The following HAS3 variants were observed in gnomAD, a reference collection of about 807,000 sequenced individuals.
The protein encoded by HAS3 is HA synthase 3.
In HAS3, 27 loss-of-function variants were observed where a neutral mutation model predicts 50.3. The observed-to-expected ratio is 0.54, with a 90% CI of 0.40 to 0.74. The LOEUF is 0.74. Ranked by LOEUF, HAS3 falls within the 30% of genes least tolerant of loss-of-function variation. HAS3 has a pLI of 0.00. For synonymous variants in HAS3, 339 were observed against 310.9 expected, an observed-to-expected ratio of 1.09 and a Z score of -0.95; for missense variants, 517 against 742.8, an observed-to-expected ratio of 0.70 and a Z score of 3.53.
the HAS3 span, among the ~76,000 whole-genome samples, chr16:69,095,439 A>C: frequency 6.6e-6 from 1 of 151,716 alleles, no homozygotes; most frequent in South Asian, 2.1e-4. Context: ...CCAGAAATGC[A>C]CTTGTAAGTC....
At chr16:69,095,242 C>T in the HAS3 span, among the ~76,000 whole-genome samples, 5 of 152,308 alleles carry the variant, frequency 3.3e-5, no homozygotes, top group Non-Finnish European at 5.9e-5. Context: ...GCCTCAATCC[C>T]TCAAAGTGCT....
At chr16:69,108,053 C>T (rs1247868544) in intron 1 of HAS3, among the ~76,000 whole-genome samples, 1 of 152,204 alleles carries the variant, frequency 6.6e-6, no homozygotes, top group Non-Finnish European at 1.5e-5. Flanking sequence ...AGAGTTGGAG[C>T]AAGCTTGGAA....
chr16:69,095,097 T>A, the HAS3 span, among the ~76,000 whole-genome samples: 2 of 151,318 alleles, frequency 1.3e-5, no homozygotes, highest in African/African-American at 2.4e-5. Flanking sequence ...TTCTTGTGCC[T>A]CAGCCTCCCA....
chr16:69,096,641 G>A, the HAS3 span, among the ~76,000 whole-genome samples: 7 of 125,172 alleles, frequency 5.6e-5, no homozygotes, highest in Non-Finnish European at 9.7e-5. Flanking sequence ...TTTTGGAGAC[G>A]GAGTGTCGCT....
chr16:69,114,675 G>A lies in HAS3; in HGVS notation c.1071G>A (p.Trp357Ter). The A allele has an allele frequency of 6.2e-7, 1 of 1,614,080 alleles. No homozygotes were observed. The highest frequency in any genetic ancestry group is 8.5e-7 in the Non-Finnish European group (1 of 1,180,010). ...YLRWLNQQTR[W>*]SKSYFREWLY... The stretch of plus-strand genomic sequence containing the variant: ...GGTGGCTCAACCAGCAAACCCGCTG[G>A]AGCAAGTCTTACTTCCGGGAGTGGC... The change falls in exon 4 of 4, where the codon TGG becomes TGA. Residue 357 changes from tryptophan to a stop codon, truncating the protein, a stop_gained. Coordinates refer to ENST00000569188, the MANE Select transcript of HAS3 (RefSeq NM_001199280.2). LOFTEE classifies it high-confidence loss of function. This position sits in a 1 kb window ranked among gnomAD's most constrained non-coding sequence, Gnocchi z 6.4.
upstream of HAS3, among the ~76,000 whole-genome samples, chr16:69,104,992 GTTTTTTTTTTTTTTTT>G (rs565397720): frequency 2.2e-4 from 18 of 81,980 alleles, no homozygotes; most frequent in East Asian, 2.5e-3. Flanking sequence ...CTGTTTTTTG[GTTTTTTTTTTTTTTTT>G]TTTTTTTTTT....
At chr16:69,086,378 G>A in the HAS3 span, among the ~76,000 whole-genome samples, 2 of 151,992 alleles carry the variant, frequency 1.3e-5, no homozygotes, top group African/African-American at 2.4e-5. Context: ...TGCCCAGGCT[G>A]GTCTTGAACT....
In HAS3 at chr16:69,107,539, C is replaced by T. The variant is rs1388553873; in HGVS notation, c.-1+1752C>T. On this transcript the variant is annotated intron_variant, in intron 1 of 3. Transcript: ENST00000569188. This position sits in a 1 kb window ranked among gnomAD's most constrained non-coding sequence, Gnocchi z 5.5. ...GCTCGAGCGGGGATGAGAAGCGTGGCGAGTGCGTTCGCGGCTGCTTTGACC... is the reference window on the plus strand; with the variant it reads ...GCTCGAGCGGGGATGAGAAGCGTGGTGAGTGCGTTCGCGGCTGCTTTGACC... 30 of 985,514 alleles carry T rather than the reference C, an allele frequency of 3.0e-5. No individual in the cohort carries two copies. Among genetic ancestry groups the T allele is most frequent in the Non-Finnish European group, 3.1e-5 (26 of 830,020 alleles). 61.0% of individuals were successfully genotyped at this position (985,514 alleles called of 1,614,324 possible).
chr16:69,098,370 CAAA>C, the HAS3 span, among the ~76,000 whole-genome samples: 2 of 133,686 alleles, frequency 1.5e-5, no homozygotes, highest in African/African-American at 2.8e-5. Context: ...GACTCCGTGT[CAAA>C]AAAAAAAAAG....
chr16:69,088,974 C>T, the HAS3 span, among the ~76,000 whole-genome samples: 1 of 152,028 alleles, frequency 6.6e-6, no homozygotes, highest in East Asian at 1.9e-4. Context: ...CCAGTTTTTT[C>T]CCCTCCATAA....
chr16:69,117,118 C>G lies in HAS3; in HGVS notation c.*1852C>G, dbSNP rs1961217665. The stretch of plus-strand genomic sequence containing the variant: ...AAGGCTGGAAGGCAGCAGGCATTTG[C>G]TAAGGCAGCTGATCCAGGCAATCGT... On this transcript the variant is annotated 3_prime_UTR_variant, in exon 4 of 4. Coordinates refer to ENST00000569188, the MANE Select transcript of HAS3 (RefSeq NM_001199280.2). 1 of 985,688 alleles carries G rather than the reference C, an allele frequency of 1.0e-6. No individual in the cohort carries two copies. The highest frequency in any genetic ancestry group is 4.7e-5 in the South Asian group (1 of 21,296). 61.1% of individuals were successfully genotyped at this position (985,688 alleles called of 1,614,324 possible).
In HAS3 at chr16:69,107,989, G is replaced by C. The variant is rs549074217; in HGVS notation, c.1-1407G>C. ...TGTTCTTCGTCCCTTCTACGTGAGA[G>C]GCGTCCCGACAGGAAAGTGTGTTTG... On this transcript the variant is annotated intron_variant, in intron 1 of 3. Coordinates refer to ENST00000569188, the MANE Select transcript of HAS3 (RefSeq NM_001199280.2). This position sits in a 1 kb window ranked among gnomAD's most constrained non-coding sequence, Gnocchi z 5.5. Among the ~76,000 whole-genome samples, 2 of 152,360 alleles carry C rather than the reference G, an allele frequency of 1.3e-5. No individual in the cohort carries two copies. Among genetic ancestry groups the C allele is most frequent in the South Asian group, 4.1e-4 (2 of 4,832 alleles).
At chr16:69,105,100 G>A (rs1331244756), upstream of HAS3, among the ~76,000 whole-genome samples, 1 of 142,230 alleles carries the variant, frequency 7.0e-6, no homozygotes, top group Admixed American at 7.5e-5. Flanking sequence ...CTCCACCTGC[G>A]GGGTTCAAGC....
chr16:69,110,575 G>A (rs901169493), intron 2 of HAS3, among the ~76,000 whole-genome samples: 1 of 152,070 alleles, frequency 6.6e-6, no homozygotes, highest in African/African-American at 2.4e-5. Flanking sequence ...ATACACCACC[G>A]CACCCAGCTC....
chr16:69,087,785 A>C, the HAS3 span, among the ~76,000 whole-genome samples: 1 of 144,806 alleles, frequency 6.9e-6, no homozygotes, highest in Non-Finnish European at 1.5e-5. Context: ...TCACTGCAGC[A>C]TCCGCCTCCC....
chr16:69,093,884 C>A, the HAS3 span, among the ~76,000 whole-genome samples: 1 of 152,136 alleles, frequency 6.6e-6, no homozygotes, highest in Non-Finnish European at 1.5e-5. Context: ...AGCATAAATA[C>A]ATTAATAGCT....
the HAS3 span, among the ~76,000 whole-genome samples, chr16:69,090,519 C>T: frequency 6.6e-6 from 1 of 152,112 alleles, no homozygotes; most frequent in Non-Finnish European, 1.5e-5. Context: ...GGTGATCCTC[C>T]CACCTCAGCC....
rs1420696140 is a variant in HAS3, at chr16:69,107,233, G to A, written c.-1+1446G>A. On this transcript the variant is annotated intron_variant, in intron 1 of 3. Coordinates refer to ENST00000569188, the MANE Select transcript of HAS3 (RefSeq NM_001199280.2). The surrounding 1 kb of genome is among the most constrained non-coding windows in gnomAD (Gnocchi z 5.5). ...GCGCCTGATTGCACGTGGGGTATCT[G>A]GCTGAGGGACATTTTGGGGGCCTCT... is the stretch of plus-strand genomic sequence containing the variant. 1.5e-5 allele frequency: 10 copies of A among 651,394 alleles called. No homozygotes were observed. Among genetic ancestry groups the A allele is most frequent in the Non-Finnish European group, 1.7e-5 (9 of 524,528 alleles). The allele number at this position is 651,394 out of a possible 1,614,324, so 40.4% of individuals were successfully genotyped here. A position where few individuals can be genotyped will look rare whatever the true frequency, so the allele number is the denominator to read the frequency against.
Position 69,115,305 on chromosome 16 carries a change from A to C in HAS3, c.*39A>C. ...CAGAGCGGGTAAAGTGCAATGGGTA[A>C]GGGAGGGAAGGGGAATGGAAGAGAA... On this transcript the variant is annotated 3_prime_UTR_variant, in exon 4 of 4. Transcript: ENST00000569188. The C allele has an allele frequency of 6.9e-7, 1 of 1,444,412 alleles. No individual in the cohort carries two copies. Among genetic ancestry groups the C allele is most frequent in the Non-Finnish European group, 9.1e-7 (1 of 1,092,972 alleles). 89.5% of individuals were successfully genotyped at this position (1,444,412 alleles called of 1,614,324 possible). A position where few individuals can be genotyped will look rare whatever the true frequency, so the allele number is the denominator to read the frequency against.
Sources: gnomAD v4.1 joint callset for allele counts (sites outside exome capture counted in the v4.1 genomes callset) on GRCh38, gnomAD v4.1.1 for gene constraint, Gnocchi (gnomAD v3.1) non-coding constraint, MANE v1.5 for transcripts, NCBI Gene and HGNC (gene_info 2026-07-23, HGNC 2026-07-21) for gene names.